Variants in NCOA6 observed in about 807,000 individuals in gnomAD.
NCOA6 encodes nuclear receptor coactivator 6.
A neutral mutation model predicts 171.4 loss-of-function variants in NCOA6; 49 were observed. The observed-to-expected ratio is 0.29, with a 90% CI of 0.23 to 0.36. The LOEUF is 0.36. Among genes scored for constraint, NCOA6 ranks in the 10% least tolerant of loss-of-function variants. The probability of loss-of-function intolerance (pLI) is 1.00; values close to 1 mark genes in which losing one functional copy is unlikely to be tolerated. For missense variants in NCOA6, 2,248 were observed against 2,554.5 expected, an observed-to-expected ratio of 0.88 and a Z score of 2.59; for synonymous variants, 910 against 927.5, an observed-to-expected ratio of 0.98 and a Z score of 0.34.
chr20:34,800,434 T>C (rs2146452688), intron 1 of NCOA6, among the ~76,000 whole-genome samples: 1 of 152,194 alleles, frequency 6.6e-6, no homozygotes, highest in East Asian at 1.9e-4. Context: ...AGAAAGTGGC[T>C]GAATGAACAA....
intron 3 of NCOA6, among the ~76,000 whole-genome samples, chr20:34,779,992 C>CT (rs2146170910): frequency 6.6e-6 from 1 of 152,316 alleles, no homozygotes; most frequent in African/African-American, 2.4e-5. Context: ...TGTGGCTAAC[C>CT]AGTAGCATCA....
chr20:34,757,159 A>C, intron 7 of NCOA6, 61 bp downstream of exon 7: 1 of 1,460,582 alleles, frequency 6.8e-7, no homozygotes, highest in Non-Finnish European at 9.1e-7. Context: ...TAAAAACTGA[A>C]GTTCTACTAA....
At chr20:34,810,672 C>T (rs947628023) in intron 1 of NCOA6, among the ~76,000 whole-genome samples, 13 of 152,212 alleles carry the variant, frequency 8.5e-5, no homozygotes, top group Middle Eastern at 6.8e-3. Flanking sequence ...TCTCCTGCCT[C>T]AGCCTCCCGA....
At chr20:34,799,018 A>G (rs2078170969) in intron 1 of NCOA6, among the ~76,000 whole-genome samples, 1 of 152,230 alleles carries the variant, frequency 6.6e-6, no homozygotes, top group South Asian at 2.1e-4. Flanking sequence ...GACTAATTCC[A>G]GAGAGACAGA....
chr20:34,725,901 T>C (rs1388813444), intron 14 of NCOA6, among the ~76,000 whole-genome samples: 1 of 152,060 alleles, frequency 6.6e-6, no homozygotes, highest in African/African-American at 2.4e-5. Flanking sequence ...GTACTAGAAA[T>C]AGAAATACAA....
At chr20:34,784,905 A>G (rs770125255) in intron 2 of NCOA6, among the ~76,000 whole-genome samples, 1 of 151,920 alleles carries the variant, frequency 6.6e-6, no homozygotes, top group Non-Finnish European at 1.5e-5. Flanking sequence ...ACATGGTGAA[A>G]CCCCGTCTTT....
At chr20:34,761,308 T>C (rs2076810916) in intron 5 of NCOA6, among the ~76,000 whole-genome samples, 2 of 152,234 alleles carry the variant, frequency 1.3e-5, no homozygotes, top group East Asian at 3.8e-4. Context: ...AGGCTTAACA[T>C]TTCTTTGAAG....
At chr20:34,757,143 T>C in intron 7 of NCOA6, 77 bp downstream of exon 7, 11 of 1,412,074 alleles carry the variant, frequency 7.8e-6, no homozygotes, top group Middle Eastern at 2.1e-4. Context: ...CTCCCTCCAT[T>C]AACTCTAAAA....
intron 5 of NCOA6, among the ~76,000 whole-genome samples, chr20:34,763,146 C>A (rs1307286865): frequency 6.6e-6 from 1 of 152,156 alleles, no homozygotes; most frequent in African/African-American, 2.4e-5. Flanking sequence ...TGAGGACTTA[C>A]GTCTTTCATC....
intron 1 of NCOA6, among the ~76,000 whole-genome samples, chr20:34,808,082 G>A (rs1373758307): frequency 2.0e-5 from 3 of 151,702 alleles, no homozygotes; most frequent in Non-Finnish European, 4.4e-5. Flanking sequence ...CCCAGGAGGC[G>A]GAGGTTGCAG....
In NCOA6 at chr20:34,764,237, G is replaced by A. The variant is rs182307115; in HGVS notation, c.514+4227C>T. ...TGAGCAGCTGGGACTACAGGCGTCC[G>A]CCACCACACCCGGCTAATTTTTTGT... On this transcript the variant is annotated intron_variant, in intron 5 of 14. Coordinates refer to ENST00000359003, the MANE Select transcript of NCOA6 (RefSeq NM_014071.5). Among the ~76,000 whole-genome samples the A allele has an allele frequency of 1.7e-3, 251 of 152,034 alleles. 3 individuals are homozygous for A. The highest frequency in any genetic ancestry group is 3.8e-4 in the Non-Finnish European group (26 of 67,972).
chr20:34,749,322 T>G (rs2076398519), intron 9 of NCOA6, 81 bp downstream of exon 9: 2 of 1,442,350 alleles, frequency 1.4e-6, no homozygotes, highest in South Asian at 2.8e-5. Context: ...TAGTTTTATA[T>G]TCTGTAAAAT....
chr20:34,824,545 G>A (rs1331345946), intron 1 of NCOA6, among the ~76,000 whole-genome samples: 1 of 152,134 alleles, frequency 6.6e-6, no homozygotes, highest in Non-Finnish European at 1.5e-5. Flanking sequence ...AAGACACCTT[G>A]GGTCACCGCC....
At chr20:34,768,321 G>A (rs1379555698) in intron 5 of NCOA6, 143 bp downstream of exon 5, 3 of 1,082,372 alleles carry the variant, frequency 2.8e-6, no homozygotes, top group East Asian at 2.5e-5. Flanking sequence ...CTCCGGGAAG[G>A]ACTCATGTCT....
intron 1 of NCOA6, among the ~76,000 whole-genome samples, chr20:34,802,242 A>C (rs1185373246): frequency 6.6e-6 from 1 of 152,170 alleles, no homozygotes; most frequent in Non-Finnish European, 1.5e-5. Context: ...CAAGGCAGGC[A>C]GATCACCTGA....
Position 34,742,529 on chromosome 20 carries a change from T to G in NCOA6, c.3727A>C (p.Arg1243=). The G allele has an allele frequency of 6.2e-7, 1 of 1,614,180 alleles. No homozygotes were observed. Among genetic ancestry groups the G allele is most frequent in the Non-Finnish European group, 8.5e-7 (1 of 1,180,028 alleles). ...AGTCCTGCTATGGAGGCATTGAGTC[T>G]TTCTGGTGACAGACTGATTTCTGAA... The part of the protein sequence containing the change: ...EPSEISLSPE[R]LNASIAGLFP... The change falls in exon 11 of 15, where the codon AGA becomes CGA. Residue 1243 remains arginine, a synonymous_variant. Transcript: ENST00000359003.
In NCOA6 at chr20:34,741,168, A is replaced by G. The variant is rs767705615; in HGVS notation, c.5088T>C (p.Val1696=). The change falls in exon 11 of 15, where the codon GTT becomes GTC. Residue 1696 remains valine (V), a synonymous_variant. Coordinates refer to ENST00000359003, the MANE Select transcript of NCOA6 (RefSeq NM_014071.5). The part of the protein sequence containing the change: ...NSGLMPPSVA[V]VGPLHIPQNI... Reference sequence around the variant, plus strand: ...TCTGAGGTATGTGTAAAGGGCCAACAACTGCAACAGAGGGAGGCATCAGGC... The same window carrying G: ...TCTGAGGTATGTGTAAAGGGCCAACGACTGCAACAGAGGGAGGCATCAGGC... 5.0e-6 allele frequency: 8 copies of G among 1,614,138 alleles called. No individual in the cohort carries two copies. In the Admixed American group the frequency reaches 1.0e-4, roughly 20 times the overall value.
chr20:34,732,907 C>T (rs980634553), intron 12 of NCOA6: 15 of 217,950 alleles, frequency 6.9e-5, no homozygotes, highest in African/African-American at 3.2e-4. Context: ...AAGTCTCTTC[C>T]TCTCATGTGG....
At chr20:34,734,954 G>A (rs1487314177) in intron 12 of NCOA6, among the ~76,000 whole-genome samples, 1 of 152,088 alleles carries the variant, frequency 6.6e-6, no homozygotes, top group Non-Finnish European at 1.5e-5. Context: ...GGCCTAGTTT[G>A]CTCTTTTAAA....
Sources: allele counts gnomAD v4.1 joint callset (sites outside exome capture counted in the v4.1 genomes callset), GRCh38; gene constraint gnomAD v4.1.1; transcripts MANE v1.5; gene names NCBI Gene and HGNC (gene_info 2026-07-23, HGNC 2026-07-21).